Variants in ADK observed in about 807,000 individuals in gnomAD.
ADK encodes the protein N6,N6-dimethyladenosine kinase.
Under a neutral mutation model 44.7 loss-of-function variants are expected in ADK, and 24 were observed. That is an observed-to-expected ratio of 0.54 (90% confidence interval 0.39 to 0.76). The LOEUF (loss-of-function observed/expected upper bound fraction) is 0.76. ADK is among the 30% of genes least tolerant of loss of function. ADK has a pLI of 0.00. For synonymous variants in ADK, 128 were observed against 142.6 expected (o/e 0.90, Z 0.73); for missense variants, 321 against 425.1 (o/e 0.76, Z 2.15).
At chr10:74,593,982 C>G (rs1198357907) in intron 8 of ADK, among the ~76,000 whole-genome samples, 1 of 152,068 alleles carries the variant, frequency 6.6e-6, no homozygotes, top group Non-Finnish European at 1.5e-5. Context: ...ATTGCTGGGT[C>G]AAATGGTATT....
intron 1 of ADK, among the ~76,000 whole-genome samples, chr10:74,158,408 T>G (rs1591789378): frequency 6.6e-6 from 1 of 152,358 alleles, no homozygotes; most frequent in South Asian, 2.1e-4. Context: ...GCTATATTTC[T>G]GAAATCCCAA....
At chr10:74,336,041 A>T (rs1841399268) in intron 4 of ADK, among the ~76,000 whole-genome samples, 1 of 152,150 alleles carries the variant, frequency 6.6e-6, no homozygotes, top group Non-Finnish European at 1.5e-5. Flanking sequence ...GTACTTTTAA[A>T]ATGGATTATG....
chr10:74,560,617 T>C (rs1850424914), intron 7 of ADK, among the ~76,000 whole-genome samples: 1 of 152,222 alleles, frequency 6.6e-6, no homozygotes, highest in Non-Finnish European at 1.5e-5. Context: ...TCCTAAAATT[T>C]TGTTAATTTA....
At chr10:74,643,899 A>G (rs1005275823) in intron 9 of ADK, among the ~76,000 whole-genome samples, 1 of 152,112 alleles carries the variant, frequency 6.6e-6, no homozygotes, top group African/African-American at 2.4e-5. Context: ...CCCTGAGATA[A>G]GGAGATTTTA....
intron 9 of ADK, among the ~76,000 whole-genome samples, chr10:74,650,162 G>A (rs971590921): frequency 4.6e-5 from 7 of 152,168 alleles, no homozygotes; most frequent in African/African-American, 2.4e-5. Context: ...GCTTATGCCT[G>A]TAGTCCCAAC....
intron 4 of ADK, among the ~76,000 whole-genome samples, chr10:74,331,031 A>G (rs769896204): frequency 5.3e-5 from 8 of 151,988 alleles, no homozygotes; most frequent in African/African-American, 1.5e-4. Context: ...TCCTGTTTCT[A>G]TTTGAACTTT....
At chr10:74,288,208 A>C (rs937305670) in intron 3 of ADK, among the ~76,000 whole-genome samples, 3 of 152,120 alleles carry the variant, frequency 2.0e-5, no homozygotes, top group African/African-American at 7.2e-5. Flanking sequence ...GGAACATATA[A>C]AATTCAATAT....
At chr10:74,291,160 G>A (rs981220520) in intron 3 of ADK, among the ~76,000 whole-genome samples, 2 of 152,168 alleles carry the variant, frequency 1.3e-5, no homozygotes, top group Admixed American at 1.3e-4. Context: ...GCTCACGCCT[G>A]TAATCCAGCA....
chr10:74,447,712 A>T (rs1845633484), intron 6 of ADK, among the ~76,000 whole-genome samples: 1 of 152,222 alleles, frequency 6.6e-6, no homozygotes. Flanking sequence ...AATGGAGATC[A>T]TGATAGCACT....
intron 2 of ADK, among the ~76,000 whole-genome samples, chr10:74,213,467 G>A (rs1843899680): frequency 6.6e-6 from 1 of 151,978 alleles, no homozygotes; most frequent in Admixed American, 6.6e-5. Context: ...GCTATTACTA[G>A]CACTATTTTT....
Position 74,398,419 on chromosome 10 carries a change from C to T in ADK, c.447-52C>T, listed in dbSNP as rs2126763. 0.69 allele frequency: 858,298 copies of T among 1,239,114 alleles called. 304,092 individuals are homozygous for T. Among genetic ancestry groups the T allele is most frequent in the Middle Eastern group, 0.82 (3,700 of 4,522 alleles). The allele number at this position is 1,239,114 out of a possible 1,614,324, so 76.8% of individuals were successfully genotyped here. On this transcript the variant is annotated intron_variant, in intron 5 of 10. Coordinates refer to ENST00000539909, the MANE Select transcript of ADK (RefSeq NM_006721.4). ...AAATATTGGTAATTATCTATTGAAA[C>T]ATATGCTAAGTTTGACTATAATATT... is the stretch of plus-strand genomic sequence containing the variant.
rs1843589094 is a variant in ADK, at chr10:74,206,154, T to G, written c.140+5316T>G. ...TAAAAGTAAAGAGCAACTTAAAAAT[T>G]TGAAATTTTATCGTGTATTTCAAAA... On this transcript the variant is annotated intron_variant, in intron 2 of 10. Transcript: ENST00000539909. Among the ~76,000 whole-genome samples, 4 of 152,324 alleles carry G rather than the reference T, an allele frequency of 2.6e-5. No homozygotes were observed. In the South Asian group the frequency reaches 8.3e-4, roughly 32 times the overall value.
intron 4 of ADK, among the ~76,000 whole-genome samples, chr10:74,388,532 T>C (rs1442247874): frequency 6.6e-6 from 1 of 152,172 alleles, no homozygotes; most frequent in Non-Finnish European, 1.5e-5. Context: ...TGTTTTTTTT[T>C]CCTCAGCAGT....
At chr10:74,263,753 T>C (rs944485654) in intron 3 of ADK, among the ~76,000 whole-genome samples, 5 of 152,246 alleles carry the variant, frequency 3.3e-5, no homozygotes, top group African/African-American at 9.6e-5. Context: ...TTGCGTGTTC[T>C]AAAACATATT....
At chr10:74,401,636 C>G (rs1195172196) in intron 6 of ADK, among the ~76,000 whole-genome samples, 1 of 151,602 alleles carries the variant, frequency 6.6e-6, no homozygotes. Flanking sequence ...CTATGTGTGT[C>G]TCTGCATGTG....
intron 7 of ADK, among the ~76,000 whole-genome samples, chr10:74,574,215 G>A (rs1028296702): frequency 5.4e-5 from 8 of 147,670 alleles, no homozygotes; most frequent in African/African-American, 7.5e-5. Flanking sequence ...CCACCAGGCT[G>A]GAGTACAGTG....
chr10:74,429,679 C>G (rs1331091468), intron 6 of ADK, among the ~76,000 whole-genome samples: 1 of 152,082 alleles, frequency 6.6e-6, no homozygotes, highest in Non-Finnish European at 1.5e-5. Context: ...ATACCATAAT[C>G]AGTTATACAA....
At chr10:74,528,219 G>A (rs975857436) in intron 7 of ADK, 3 of 455,992 alleles carry the variant, frequency 6.6e-6, no homozygotes, top group Non-Finnish European at 1.2e-5. Context: ...AAATGGATAA[G>A]TAAAAATCTC....
At chr10:74,356,129 C>T (rs56154063) in intron 4 of ADK, among the ~76,000 whole-genome samples, 18,186 of 147,186 alleles carry the variant, frequency 0.12, 1,162 homozygotes, top group Middle Eastern at 0.16. Context: ...CGCCATTCTC[C>T]TGCCTCAGCC....
Sources: allele counts gnomAD v4.1 joint callset (sites outside exome capture counted in the v4.1 genomes callset), GRCh38; gene constraint gnomAD v4.1.1; transcripts MANE v1.5; gene names NCBI Gene and HGNC (gene_info 2026-07-23, HGNC 2026-07-21).